The following HNF1B variants were observed in gnomAD, a reference collection of about 807,000 sequenced individuals.
HNF1B encodes hepatocyte nuclear factor 1-beta.
HNF1B carries 8 observed loss-of-function variants against 61.7 expected under a neutral mutation model. That is an observed-to-expected ratio of 0.13 (90% CI 0.08 to 0.23). The LOEUF is 0.23. HNF1B is among the 10% of genes least tolerant of loss of function. The pLI is 1.00. For missense variants in HNF1B, 562 were observed against 714.5 expected, an observed-to-expected ratio of 0.79 and a Z score of 2.43; for synonymous variants, 314 against 287.7, an observed-to-expected ratio of 1.09 and a Z score of -0.93.
intron 8 of HNF1B, among the ~76,000 whole-genome samples, chr17:37,689,784 A>G (rs1176001007): frequency 6.6e-6 from 1 of 152,230 alleles, no homozygotes; most frequent in Non-Finnish European, 1.5e-5. Flanking sequence ...GCCAGGCACC[A>G]TACCAAGGGC....
rs144354798 is a variant in HNF1B at position 37,687,378 on chromosome 17, G to T, written c.1668C>A (p.Ala556=). 2.9e-5 allele frequency: 47 copies of T among 1,613,626 alleles called. No individual in the cohort carries two copies. The African/African-American group carries it at 6.1e-4, about 21-fold the overall frequency. ...AGTAAGTGGTGTGTGGGCATCACCA[G>T]GCTTGTAGAGGACACTGCAGAGAGA... The part of the protein sequence containing the change: ...MSSSKQCPLQ[A]W Residue 556 remains alanine (A), a synonymous_variant, in exon 9 of 9, where the codon GCC becomes GCA. Coordinates refer to ENST00000617811, the MANE Select transcript of HNF1B (RefSeq NM_000458.4).
chr17:37,704,618 A>T (rs1244217987), intron 6 of HNF1B, among the ~76,000 whole-genome samples: 1 of 152,210 alleles, frequency 6.6e-6, no homozygotes, highest in Non-Finnish European at 1.5e-5. Flanking sequence ...GATCACTTTA[A>T]CAACCTATTT....
chr17:37,710,889 C>T (rs142861319), intron 4 of HNF1B, among the ~76,000 whole-genome samples: 3 of 152,150 alleles, frequency 2.0e-5, no homozygotes, highest in Admixed American at 1.3e-4. Context: ...ATTTTTATCT[C>T]GTTTGTTTTG....
At chr17:37,720,781 TA>T in intron 4 of HNF1B, 1 of 984,736 alleles carries the variant, frequency 1.0e-6, no homozygotes, top group African/African-American at 1.7e-5. Context: ...CCACTCAGAA[TA>T]CATACATACA....
chr17:37,727,115 C>T (rs2033525326), intron 4 of HNF1B, among the ~76,000 whole-genome samples: 2 of 152,204 alleles, frequency 1.3e-5, no homozygotes, highest in African/African-American at 4.8e-5. Flanking sequence ...CCTCCTCCTC[C>T]TCCTCGAGCC....
intron 1 of HNF1B, among the ~76,000 whole-genome samples, chr17:37,743,178 G>C (rs1164245773): frequency 6.6e-6 from 1 of 152,174 alleles, no homozygotes; most frequent in Non-Finnish European, 1.5e-5. Context: ...CCTAGGCCCT[G>C]TGGCCCCCGG....
intron 4 of HNF1B, chr17:37,721,017 G>T: frequency 2.2e-6 from 2 of 898,072 alleles, no homozygotes; most frequent in Non-Finnish European, 2.7e-6. Flanking sequence ...GTTGTTTAAG[G>T]GTTTTCCACT....
intron 8 of HNF1B, among the ~76,000 whole-genome samples, chr17:37,688,933 T>G (rs2032087221): frequency 6.6e-6 from 1 of 151,946 alleles, no homozygotes. Flanking sequence ...GATCACAAGG[T>G]CAGGAGATCG....
At chr17:37,734,274 C>T (rs4795219) in intron 2 of HNF1B, among the ~76,000 whole-genome samples, 1 of 152,200 alleles carries the variant, frequency 6.6e-6, no homozygotes, top group African/African-American at 2.4e-5. Context: ...ACCTCTCCTC[C>T]CTCTTCCTAT....
chr17:37,716,613 T>C (rs1196623158), intron 4 of HNF1B, among the ~76,000 whole-genome samples: 4 of 152,226 alleles, frequency 2.6e-5, no homozygotes, highest in African/African-American at 9.6e-5. Flanking sequence ...TAGACCCTAC[T>C]GCGCCTGTGT....
chr17:37,717,461 T>G (rs1598823862), intron 4 of HNF1B, among the ~76,000 whole-genome samples: 2 of 152,264 alleles, frequency 1.3e-5, no homozygotes, highest in East Asian at 1.9e-4. Context: ...GGAGAGAGCA[T>G]GCGAAGGAGA....
chr17:37,692,906 C>G (rs1484994149), intron 8 of HNF1B, among the ~76,000 whole-genome samples: 1 of 152,098 alleles, frequency 6.6e-6, no homozygotes, highest in East Asian at 1.9e-4. Flanking sequence ...GAAAGAGTCA[C>G]TAGGCCGGGT....
intron 1 of HNF1B, among the ~76,000 whole-genome samples, chr17:37,742,203 C>A (rs1205430583): frequency 6.6e-6 from 1 of 152,226 alleles, no homozygotes; most frequent in Non-Finnish European, 1.5e-5. Flanking sequence ...CAGCGCAGTC[C>A]GCAGCGCGTT....
intron 1 of HNF1B, among the ~76,000 whole-genome samples, chr17:37,744,306 C>T (rs1278853108): frequency 6.6e-6 from 1 of 152,274 alleles, no homozygotes; most frequent in Non-Finnish European, 1.5e-5. Context: ...GGGAAAAGCC[C>T]TTGGGTCTCG....
At chr17:37,709,711 C>T (rs2032870372) in intron 5 of HNF1B, among the ~76,000 whole-genome samples, 1 of 152,218 alleles carries the variant, frequency 6.6e-6, no homozygotes, top group African/African-American at 2.4e-5. Context: ...AACAACAATA[C>T]TGCAATTTAT....
intron 5 of HNF1B, among the ~76,000 whole-genome samples, chr17:37,709,948 C>T (rs2032876972): frequency 6.6e-6 from 1 of 152,194 alleles, no homozygotes; most frequent in Non-Finnish European, 1.5e-5. Context: ...CATCGCCCCA[C>T]CCCATCTACC....
At chr17:37,726,659 A>G (rs1300097644) in intron 4 of HNF1B, among the ~76,000 whole-genome samples, 2 of 152,174 alleles carry the variant, frequency 1.3e-5, no homozygotes, top group Non-Finnish European at 2.9e-5. Context: ...GAGAGGCAGG[A>G]GGCAGGATTC....
intron 8 of HNF1B, among the ~76,000 whole-genome samples, chr17:37,691,972 G>T (rs2032219066): frequency 6.6e-6 from 1 of 152,202 alleles, no homozygotes; most frequent in Non-Finnish European, 1.5e-5. Context: ...GAACACTGTG[G>T]AAACAGGAGT....
intron 8 of HNF1B, among the ~76,000 whole-genome samples, chr17:37,695,236 C>A (rs2032344670): frequency 6.6e-6 from 1 of 152,238 alleles, no homozygotes; most frequent in African/African-American, 2.4e-5. Context: ...GCCCCAGGTA[C>A]AGCTCAGACC....
Sources: allele counts gnomAD v4.1 joint callset (sites outside exome capture counted in the v4.1 genomes callset), GRCh38; gene constraint gnomAD v4.1.1; transcripts MANE v1.5; gene names NCBI Gene and HGNC (gene_info 2026-07-23, HGNC 2026-07-21).